Variants in SLC16A2 observed in about 807,000 individuals in gnomAD.
SLC16A2 encodes solute carrier family 16 member 2.
SLC16A2 carries 3 observed loss-of-function variants against 27.2 expected under a neutral mutation model. The ratio of observed to expected loss-of-function variants is 0.11; its 90% CI spans 0.05 to 0.28. The LOEUF is 0.28. SLC16A2 is among the 10% of genes least tolerant of loss of function. SLC16A2 has a pLI of 1.00. For missense variants in SLC16A2, 295 were observed against 458.5 expected (o/e 0.64, Z 3.26); for synonymous variants, 202 against 187.8 (o/e 1.08, Z -0.62).
intron 1 of SLC16A2, among the ~76,000 whole-genome samples, chrX:74,441,249 G>C (rs1405410205): frequency 9.0e-6 from 1 of 111,186 alleles, no homozygotes; most frequent in African/African-American, 3.3e-5. Flanking sequence ...GTAGAGACGG[G>C]GTTTCACCAT....
intron 1 of SLC16A2, among the ~76,000 whole-genome samples, chrX:74,457,116 T>TA (rs202198599): frequency 0.13 from 14,592 of 110,658 alleles, 758 homozygotes; most frequent in Admixed American, 0.15. Context: ...CTGGGGAGCT[T>TA]AAAAAAATAC....
At chrX:74,518,156 G>A (rs192692034) in intron 1 of SLC16A2, among the ~76,000 whole-genome samples, 1 of 111,995 alleles carries the variant, frequency 8.9e-6, no homozygotes, top group African/African-American at 3.2e-5. Flanking sequence ...GTGGGTTTTC[G>A]GGATCATGGT....
At position 74,512,872 on chromosome X, in the gene SLC16A2, C is replaced by T. The variant is rs79861381; in HGVS notation, c.431-8118C>T. Among the ~76,000 whole-genome samples the T allele has an allele frequency of 6.8e-3, 761 of 111,485 alleles. 7 individuals carry two copies. Among genetic ancestry groups the T allele is most frequent in the African/African-American group, 0.024 (730 of 30,641 alleles). On this transcript the variant is annotated intron_variant, in intron 1 of 5. Transcript: ENST00000587091. The stretch of plus-strand genomic sequence containing the variant: ...TGTGCTGCCCAGGTCCAACAGAAAT[C>T]TAGTTAGATATGGGTGCTTTGAGGA...
rs749486084 is a variant in SLC16A2, at chrX:74,501,993, T to TA, written c.431-18989dup. Among the ~76,000 whole-genome samples the TA allele has an allele frequency of 4.5e-5, 5 of 111,084 alleles. No homozygotes were observed. In the South Asian group the frequency reaches 1.5e-3, roughly 34 times the overall value. ...AAAAAAGAATATATTAATTTGAACA[T>TA]AAAAAAAACCTTGTAGTCCTTCTCA... On this transcript the variant is annotated intron_variant, in intron 1 of 5. Coordinates refer to ENST00000587091, the MANE Select transcript of SLC16A2 (RefSeq NM_006517.5).
At chrX:74,477,906 AG>A (rs1929519617) in intron 1 of SLC16A2, among the ~76,000 whole-genome samples, 1 of 111,937 alleles carries the variant, frequency 8.9e-6, no homozygotes, top group Non-Finnish European at 1.9e-5. Context: ...TTTACTTCAA[AG>A]TATGTGGTCA....
chrX:74,518,331 C>T (rs910027855), intron 1 of SLC16A2, among the ~76,000 whole-genome samples: 14 of 112,169 alleles, frequency 1.2e-4, no homozygotes, highest in African/African-American at 2.3e-4. Flanking sequence ...CCATTGCTCA[C>T]GCCTATAATC....
intron 1 of SLC16A2, among the ~76,000 whole-genome samples, chrX:74,437,068 A>C (rs1053209597): frequency 1.1e-4 from 12 of 111,718 alleles, no homozygotes; most frequent in Non-Finnish European, 1.5e-4. Context: ...ATTCACAAAG[A>C]ACAGTTTTGA....
intron 2 of SLC16A2, 118 bp from the exon 3 acceptor site, chrX:74,524,241 T>C: frequency 2.8e-6 from 2 of 722,086 alleles, no homozygotes; most frequent in South Asian, 4.5e-5. Flanking sequence ...TGAGGGTCAG[T>C]GGCAAGTGGG....
intron 4 of SLC16A2, 140 bp from the exon 5 acceptor site, chrX:74,529,073 A>G (rs1425625615): frequency 1.3e-5 from 6 of 471,255 alleles, no homozygotes; most frequent in Non-Finnish European, 2.2e-5. Flanking sequence ...ATTCAGCCCA[A>G]CTGCTCTCTC....
In SLC16A2 at chrX:74,503,704, G is replaced by C. The variant is rs1231806944; in HGVS notation, c.431-17286G>C. 2.7e-5 allele frequency among the ~76,000 whole-genome samples: 3 copies of C among 111,725 alleles called. No individual in the cohort carries two copies. In the East Asian group the frequency reaches 8.4e-4, roughly 31 times the overall value. On this transcript the variant is annotated intron_variant, in intron 1 of 5. Transcript: ENST00000587091. ...TGGTACTAACTTGCTTCGTATCCTTGGAGAAGACATTCAAACTCTTCAGCC... is the reference window on the plus strand; with the variant it reads ...TGGTACTAACTTGCTTCGTATCCTTCGAGAAGACATTCAAACTCTTCAGCC...
intron 1 of SLC16A2, among the ~76,000 whole-genome samples, chrX:74,469,748 C>G (rs918333814): frequency 1.8e-5 from 2 of 110,795 alleles, no homozygotes; most frequent in African/African-American, 6.6e-5. Flanking sequence ...CCCCTACCCC[C>G]CAGCATGCAC....
At chrX:74,486,124 G>T (rs1472237812) in intron 1 of SLC16A2, among the ~76,000 whole-genome samples, 1 of 111,341 alleles carries the variant, frequency 9.0e-6, no homozygotes, top group Non-Finnish European at 1.9e-5. Flanking sequence ...TTTACCTCCT[G>T]CTTTTAGCCT....
chrX:74,468,628 A>G (rs974241756), intron 1 of SLC16A2, among the ~76,000 whole-genome samples: 2 of 109,567 alleles, frequency 1.8e-5, no homozygotes, highest in Non-Finnish European at 1.9e-5. Context: ...TGTCTTGGTT[A>G]TATACCTAAC....
chrX:74,422,047 G>A lies in SLC16A2; in HGVS notation c.410G>A (p.Arg137His), dbSNP rs748417356. ...MLLEEEKEKN[R>H]QVEFQAAWVG... ...CTAGAGGAGGAAAAGGAAAAAAATC[G>A]CCAAGTGGAGTTCCAAGCAGGTGAG... Residue 137 changes from arginine to histidine, a missense_variant, in exon 1 of 6, where the codon CGC becomes CAC. Arg to His is a conservative substitution (Grantham distance 29). This residue lies in a region of SLC16A2 where 59 missense variants were observed against 153.6 expected (regional missense o/e 0.38). Transcript: ENST00000587091. The A allele has an allele frequency of 8.3e-7, 1 of 1,209,090 alleles. No individual in the cohort carries two copies. The highest frequency in any genetic ancestry group is 1.1e-6 in the Non-Finnish European group (1 of 894,804).
intron 1 of SLC16A2, among the ~76,000 whole-genome samples, chrX:74,509,708 C>T (rs1930196676): frequency 9.0e-6 from 1 of 111,000 alleles, no homozygotes; most frequent in Admixed American, 9.6e-5. Flanking sequence ...GGACTACAGG[C>T]ACGTGCCACC....
chrX:74,507,063 C>G (rs141213573), intron 1 of SLC16A2, among the ~76,000 whole-genome samples: 23 of 108,582 alleles, frequency 2.1e-4, no homozygotes, highest in East Asian at 1.4e-3. Context: ...CCGCTCCCCC[C>G]CCAACCACAA....
In SLC16A2 at chrX:74,525,731, CT is replaced by C; in HGVS notation, c.1027-17del. Reference sequence around the variant, plus strand: ...CTTTCTCCTCCTGTTTCTGGGGATCCTTGTGCTATGCTTTTCAGATGAAGTA... The same window carrying C: ...CTTTCTCCTCCTGTTTCTGGGGATCCTGTGCTATGCTTTTCAGATGAAGTA... On this transcript the variant is annotated intron_variant, in intron 3 of 5. Coordinates refer to ENST00000587091, the MANE Select transcript of SLC16A2 (RefSeq NM_006517.5). 1 of 1,211,264 alleles carries C rather than the reference CT, an allele frequency of 8.3e-7. No homozygotes were observed. Among genetic ancestry groups the C allele is most frequent in the Non-Finnish European group, 1.1e-6 (1 of 895,117 alleles).
intron 1 of SLC16A2, among the ~76,000 whole-genome samples, chrX:74,455,999 T>C (rs772849262): frequency 8.9e-6 from 1 of 111,910 alleles, no homozygotes; most frequent in East Asian, 2.8e-4. Flanking sequence ...AGAAGCAAGG[T>C]CTCTTTCCCA....
chrX:74,448,943 C>G (rs781183416), intron 1 of SLC16A2, among the ~76,000 whole-genome samples: 1 of 111,343 alleles, frequency 9.0e-6, no homozygotes, highest in East Asian at 2.8e-4. Flanking sequence ...CCTTCATGCC[C>G]GCATCTTTAG....
Sources: gnomAD v4.1 joint callset for allele counts (sites outside exome capture counted in the v4.1 genomes callset) on GRCh38, gnomAD v4.1.1 for gene constraint, gnomAD v4.1.1 regional missense constraint, MANE v1.5 for transcripts, NCBI Gene and HGNC (gene_info 2026-07-23, HGNC 2026-07-21) for gene names.